Variants in CSF2RA observed in about 807,000 individuals in gnomAD.
The protein encoded by CSF2RA is granulocyte-macrophage colony-stimulating factor receptor subunit alpha.
Under a neutral mutation model 51.6 loss-of-function variants are expected in CSF2RA, and 42 were observed. The ratio of observed to expected loss-of-function variants is 0.81; its 90% CI spans 0.64 to 1.05. The LOEUF (loss-of-function observed/expected upper bound fraction) is 1.05, where lower values mean the gene tolerates loss of function less well. Among genes scored for constraint, CSF2RA ranks in the 50% least tolerant of loss-of-function variants. CSF2RA has a pLI of 0.00. For missense variants in CSF2RA, 530 were observed against 501.1 expected, an observed-to-expected ratio of 1.06 and a Z score of -0.55; for synonymous variants, 222 against 193.0, an observed-to-expected ratio of 1.15 and a Z score of -1.24.
At position 1,303,530 on chromosome X, in the gene CSF2RA, G is replaced by A. The variant is rs1415021833; in HGVS notation, c.947-393G>A. Among the ~76,000 whole-genome samples, 5 of 152,180 alleles carry A rather than the reference G, an allele frequency of 3.3e-5. No individual in the cohort carries two copies. In the East Asian group the frequency reaches 7.7e-4, roughly 24 times the overall value. ...GCTGGGATGACAGGTGTGAGCCACC[G>A]TGCCTGGCCCAATTTTTGTATTTTT... On this transcript the variant is annotated intron_variant, in intron 10 of 12. Coordinates refer to ENST00000381529, the MANE Select transcript of CSF2RA (RefSeq NM_172245.4).
Position 1,288,777 on chromosome X carries a change from C to T in CSF2RA, c.362C>T (p.Ala121Val). The change falls in exon 6 of 13, where the codon GCT (alanine) becomes GTT (valine). Residue 121 changes from alanine to valine, a missense_variant. Ala to Val is a moderately conservative substitution (Grantham distance 64, BLOSUM62 0). Transcript: ENST00000381529. ...TTCCCAGGAAGGGAGGGTACCGCTGCTCAGAATTTCTCCTGTTTCATCTAC... is the reference window on the plus strand; with the variant it reads ...TTCCCAGGAAGGGAGGGTACCGCTGTTCAGAATTTCTCCTGTTTCATCTAC... ...YPNSGREGTA[A>V]QNFSCFIYNA... The T allele has an allele frequency of 6.2e-7, 1 of 1,613,918 alleles. No homozygotes were observed. Among genetic ancestry groups the T allele is most frequent in the South Asian group, 1.1e-5 (1 of 91,074 alleles).
chrX:1,323,781 G>A, the CSF2RA span, among the ~76,000 whole-genome samples: 14 of 152,092 alleles, frequency 9.2e-5, no homozygotes, highest in East Asian at 3.9e-4. Context: ...TTGGGAGGCA[G>A]AGGCGGGCAG....
the CSF2RA span, among the ~76,000 whole-genome samples, chrX:1,318,684 G>A: frequency 7.3e-5 from 11 of 151,510 alleles, no homozygotes; most frequent in Non-Finnish European, 1.0e-4. Flanking sequence ...TTGGGAGGCC[G>A]AGGCAGGCAG....
chrX:1,314,305 GTGCCTGCCCAACCA>G (rs2084341069), downstream of CSF2RA, among the ~76,000 whole-genome samples: 1 of 111,872 alleles, frequency 8.9e-6, no homozygotes, highest in Admixed American at 9.1e-5. Context: ...CAACCACTCT[GTGCCTGCCCAACCA>G]CACTGCACCT....
chrX:1,324,330 A>AG, the CSF2RA span, among the ~76,000 whole-genome samples: 11,551 of 149,014 alleles, frequency 0.078, 775 homozygotes, highest in African/African-American at 0.18. Context: ...CCTGTCTCTA[A>AG]GAAAAAGGAA....
chrX:1,294,778 T>G (rs2148488341), intron 8 of CSF2RA, among the ~76,000 whole-genome samples: 1 of 152,012 alleles, frequency 6.6e-6, no homozygotes, highest in South Asian at 2.1e-4. Context: ...CTGGACGCAG[T>G]GTAGACAGAA....
At chrX:1,309,289 T>C (rs1420076599) in intron 12 of CSF2RA, 113 bp from the exon 13 acceptor site, 1 of 1,135,642 alleles carries the variant, frequency 8.8e-7, no homozygotes, top group Non-Finnish European at 1.3e-6. Context: ...CACTCCAGCC[T>C]GGGCAATAGA....
the CSF2RA span, among the ~76,000 whole-genome samples, chrX:1,316,279 T>C: frequency 2.1e-5 from 3 of 145,832 alleles, no homozygotes; most frequent in Admixed American, 1.4e-4. Context: ...GATAGATAGA[T>C]AGATAGATAG....
chrX:1,312,697 C>A (rs191748809), downstream of CSF2RA, among the ~76,000 whole-genome samples: 444 of 152,240 alleles, frequency 2.9e-3, 1 homozygote, highest in African/African-American at 0.01. Context: ...GACTTCAGGA[C>A]TTGGAGCCGA....
intron 1 of CSF2RA, among the ~76,000 whole-genome samples, 173 bp from the exon 2 acceptor site, chrX:1,274,582 C>T: frequency 6.6e-6 from 1 of 151,650 alleles, no homozygotes; most frequent in Non-Finnish European, 1.5e-5. Flanking sequence ...GCCTCGGCCT[C>T]CCAAAGTGCT....
chrX:1,303,774 C>T, intron 10 of CSF2RA, 149 bp from the exon 11 acceptor site: 1 of 787,146 alleles, frequency 1.3e-6, no homozygotes, highest in Non-Finnish European at 2.3e-6. Context: ...TAGTTAAGAA[C>T]CAAAAACAGG....
At chrX:1,286,153 TC>T in intron 4 of CSF2RA, among the ~76,000 whole-genome samples, 1 of 151,582 alleles carries the variant, frequency 6.6e-6, no homozygotes, top group Non-Finnish European at 1.5e-5. Context: ...ATGCCTGTAG[TC>T]CCAGCTACTC....
At chrX:1,313,015 C>T (rs1407927614), downstream of CSF2RA, among the ~76,000 whole-genome samples, 7 of 152,044 alleles carry the variant, frequency 4.6e-5, no homozygotes, top group African/African-American at 7.2e-5. Context: ...TCCCACAGGG[C>T]GCCCCAGGAA....
intron 7 of CSF2RA, among the ~76,000 whole-genome samples, chrX:1,291,165 A>T (rs1331566677): frequency 6.6e-6 from 1 of 151,806 alleles, no homozygotes. Context: ...CAGATGATCC[A>T]CCTGCCTCAG....
chrX:1,311,497 A>G (rs1338988328), downstream of CSF2RA, among the ~76,000 whole-genome samples: 1 of 151,232 alleles, frequency 6.6e-6, no homozygotes, highest in Non-Finnish European at 1.5e-5. Context: ...GCAGTGGCAC[A>G]ATCTCTGCTC....
intron 7 of CSF2RA, among the ~76,000 whole-genome samples, chrX:1,291,985 C>G (rs2091448221): frequency 6.8e-6 from 1 of 146,802 alleles, no homozygotes; most frequent in Non-Finnish European, 1.5e-5. Flanking sequence ...CCACCTGGAC[C>G]CAGTGTAGAC....
intron 1 of CSF2RA, among the ~76,000 whole-genome samples, chrX:1,273,836 G>T (rs1457080503): frequency 6.7e-6 from 1 of 149,930 alleles, no homozygotes; most frequent in Non-Finnish European, 1.5e-5. Context: ...CTGGCCTCAT[G>T]ATCTGCCCGC....
chrX:1,316,774 G>C, the CSF2RA span, among the ~76,000 whole-genome samples: 71 of 152,324 alleles, frequency 4.7e-4, no homozygotes, highest in African/African-American at 1.6e-3. Flanking sequence ...ATGCCGTGGG[G>C]AGCAAGTTCC....
chrX:1,301,085 G>C (rs748491027), intron 10 of CSF2RA, among the ~76,000 whole-genome samples: 2 of 151,884 alleles, frequency 1.3e-5, no homozygotes, highest in South Asian at 4.2e-4. Context: ...CCCAGGAGGC[G>C]GAGGTTGCAC....
Sources: gnomAD v4.1 joint callset for allele counts (sites outside exome capture counted in the v4.1 genomes callset) on GRCh38, gnomAD v4.1.1 for gene constraint, MANE v1.5 for transcripts, NCBI Gene and HGNC (gene_info 2026-07-23, HGNC 2026-07-21) for gene names.